TEX11: variants seen among roughly 807,000 people sequenced by gnomAD.
TEX11 encodes testis expressed 11.
TEX11 carries 7 observed loss-of-function variants against 84.4 expected under a neutral mutation model. The ratio of observed to expected loss-of-function variants is 0.08; its 90% CI spans 0.05 to 0.16. TEX11 has a LOEUF of 0.16. Ranked by LOEUF, TEX11 falls within the 10% of genes least tolerant of loss-of-function variation. TEX11 has a pLI of 1.00. For synonymous variants in TEX11, 264 were observed against 222.8 expected, an observed-to-expected ratio of 1.18 and a Z score of -1.64; for missense variants, 551 against 660.5, an observed-to-expected ratio of 0.83 and a Z score of 1.82.
At chrX:70,539,642 A>AT (rs1459310681) in intron 28 of TEX11, among the ~76,000 whole-genome samples, 1 of 111,624 alleles carries the variant, frequency 9.0e-6, no homozygotes, top group Non-Finnish European at 1.9e-5. Flanking sequence ...ATTCTTAAAA[A>AT]TGAACCAAGA....
At chrX:70,593,814 T>C (rs2147501533) in intron 24 of TEX11, among the ~76,000 whole-genome samples, 1 of 110,770 alleles carries the variant, frequency 9.0e-6, no homozygotes, top group African/African-American at 3.3e-5. Context: ...TGAAGATAGA[T>C]TAGCAGAGAT....
intron 9 of TEX11, among the ~76,000 whole-genome samples, chrX:70,790,953 T>C (rs1353481641): frequency 1.8e-5 from 2 of 112,318 alleles, no homozygotes; most frequent in Non-Finnish European, 1.9e-5. Context: ...TTTTTTTTAT[T>C]ATTATACTTT....
chrX:70,605,851 C>T (rs1010121461), intron 23 of TEX11, among the ~76,000 whole-genome samples: 3 of 111,123 alleles, frequency 2.7e-5, no homozygotes, highest in African/African-American at 9.8e-5. Flanking sequence ...TGATTTTTCC[C>T]CTGGCAAATA....
chrX:70,637,077 A>C (rs757817980), intron 17 of TEX11, among the ~76,000 whole-genome samples: 2 of 111,906 alleles, frequency 1.8e-5, no homozygotes, highest in Non-Finnish European at 3.8e-5. Flanking sequence ...ACCCACTAAA[A>C]AGTGGGCAAA....
intron 3 of TEX11, 146 bp from the exon 4 acceptor site, chrX:70,873,453 C>G (rs1476033149): frequency 1.4e-5 from 6 of 433,230 alleles, no homozygotes; most frequent in Non-Finnish European, 2.4e-5. Flanking sequence ...CCTCTCCCCG[C>G]AAAAACTTAC....
At chrX:70,588,977 T>C (rs1018696185) in intron 25 of TEX11, among the ~76,000 whole-genome samples, 2 of 106,971 alleles carry the variant, frequency 1.9e-5, no homozygotes, top group Non-Finnish European at 3.9e-5. Context: ...GGCAAATTCA[T>C]AGAGGCAGTA....
At position 70,641,116 on chromosome X, in the gene TEX11, T is replaced by C. The variant is rs187510091; in HGVS notation, c.1483+10334A>G. On this transcript the variant is annotated intron_variant, in intron 17 of 29. Coordinates refer to ENST00000374333, the MANE Select transcript of TEX11 (RefSeq NM_031276.3). ...AAACAAACAAAGGCAGGGGTTGCAA[T>C]CCTATTCTCTGATCAAACAGACTTT... Among the ~76,000 whole-genome samples, 561 of 110,919 alleles carry C rather than the reference T, an allele frequency of 5.1e-3. 4 individuals carry two copies. Among genetic ancestry groups the C allele is most frequent in the African/African-American group, 0.018 (534 of 30,469 alleles).
intron 13 of TEX11, among the ~76,000 whole-genome samples, chrX:70,713,091 G>A (rs1207287116): frequency 4.4e-4 from 47 of 107,108 alleles, no homozygotes; most frequent in Middle Eastern, 4.9e-3. Flanking sequence ...GCTGGATTAC[G>A]TTTATTGATT....
intron 12 of TEX11, 77 bp downstream of exon 12, chrX:70,725,185 T>C (rs2090590237): frequency 1.5e-6 from 1 of 647,799 alleles, no homozygotes; most frequent in Non-Finnish European, 2.3e-6. Flanking sequence ...ATTGTTAGTA[T>C]ACTACAAAAG....
chrX:70,583,888 C>T (rs192960294), intron 25 of TEX11, among the ~76,000 whole-genome samples: 81 of 111,964 alleles, frequency 7.2e-4, no homozygotes, highest in Middle Eastern at 4.6e-3. Flanking sequence ...GCCCAATTTG[C>T]CTCTAACAAC....
At chrX:70,528,372 C>T (rs938651545), downstream of TEX11, among the ~76,000 whole-genome samples, 11 of 111,656 alleles carry the variant, frequency 9.9e-5, no homozygotes, top group Admixed American at 3.8e-4. Flanking sequence ...GGCTGGCGTA[C>T]AGTGGCTCAA....
intron 8 of TEX11, among the ~76,000 whole-genome samples, chrX:70,807,769 G>T (rs1424178787): frequency 9.0e-6 from 1 of 110,917 alleles, no homozygotes; most frequent in East Asian, 2.8e-4. Flanking sequence ...AGTTCAATAT[G>T]CATGTCTGAG....
At chrX:70,864,634 C>T (rs1476823080) in intron 4 of TEX11, among the ~76,000 whole-genome samples, 1 of 105,030 alleles carries the variant, frequency 9.5e-6, no homozygotes, top group African/African-American at 3.5e-5. Flanking sequence ...CTCAGCTACT[C>T]GGGAGGCTGA....
chrX:70,880,433 G>A (rs929161603), intron 2 of TEX11, among the ~76,000 whole-genome samples: 2 of 111,217 alleles, frequency 1.8e-5, no homozygotes, highest in African/African-American at 6.5e-5. Context: ...GGTGGCACAC[G>A]TCTTTAGCCC....
chrX:70,845,732 G>A (rs2091475953), intron 7 of TEX11, among the ~76,000 whole-genome samples: 1 of 110,880 alleles, frequency 9.0e-6, no homozygotes, highest in Admixed American at 9.6e-5. Context: ...GGAGGCTGAG[G>A]CAGGAGAATC....
intron 15 of TEX11, among the ~76,000 whole-genome samples, chrX:70,675,945 C>A (rs2090068348): frequency 8.9e-6 from 1 of 111,835 alleles, no homozygotes; most frequent in South Asian, 3.8e-4. Flanking sequence ...TACTTTCATT[C>A]TCCACGGATT....
intron 17 of TEX11, 79 bp from the exon 18 acceptor site, chrX:70,629,814 T>C: frequency 6.8e-6 from 5 of 735,136 alleles, no homozygotes; most frequent in Non-Finnish European, 7.6e-6. Context: ...TATGCCACAA[T>C]GAATTTGGAA....
At position 70,743,246 on chromosome X, in the gene TEX11, T is replaced by G. The variant is rs143971344; in HGVS notation, c.747+919A>C. ...CTTTCTTTATTAAGCCAGGATAATATTTCATTGTAGTCACTTGTACTAGTT... is the reference window on the plus strand; with the variant it reads ...CTTTCTTTATTAAGCCAGGATAATAGTTCATTGTAGTCACTTGTACTAGTT... On this transcript the variant is annotated intron_variant, in intron 10 of 29. Transcript: ENST00000374333. 5.0e-3 allele frequency among the ~76,000 whole-genome samples: 565 copies of G among 112,281 alleles called. 4 individuals carry two copies. Among genetic ancestry groups the G allele is most frequent in the African/African-American group, 0.017 (536 of 30,900 alleles).
chrX:70,684,303 T>C (rs1853757), intron 13 of TEX11, among the ~76,000 whole-genome samples: 8,914 of 112,076 alleles, frequency 0.08, 432 homozygotes, highest in Admixed American at 0.25. Flanking sequence ...ATATATAAAA[T>C]AGTTGGGCAC....
Sources: allele counts gnomAD v4.1 joint callset (sites outside exome capture counted in the v4.1 genomes callset), GRCh38; gene constraint gnomAD v4.1.1; transcripts MANE v1.5; gene names NCBI Gene and HGNC (gene_info 2026-07-23, HGNC 2026-07-21).